Variants in ADGRG2 observed in about 807,000 individuals in gnomAD.
The protein encoded by ADGRG2 is G protein-coupled receptor 64.
ADGRG2 carries 26 observed loss-of-function variants against 74.1 expected under a neutral mutation model. The ratio of observed to expected loss-of-function variants is 0.35; its 90% CI spans 0.26 to 0.49. The LOEUF (loss-of-function observed/expected upper bound fraction) is 0.49. Ranked by LOEUF, ADGRG2 falls within the 20% of genes least tolerant of loss-of-function variation. The probability of loss-of-function intolerance (pLI) is 0.99; values close to 1 mark genes in which losing one functional copy is unlikely to be tolerated. For synonymous variants in ADGRG2, 296 were observed against 295.2 expected, an observed-to-expected ratio of 1.00 and a Z score of -0.03; for missense variants, 619 against 763.1, an observed-to-expected ratio of 0.81 and a Z score of 2.22.
intron 1 of ADGRG2, among the ~76,000 whole-genome samples, chrX:19,110,477 G>T (rs5955700): frequency 0.18 from 19,620 of 109,693 alleles, 1,947 homozygotes; most frequent in African/African-American, 0.38. Context: ...GAGGCCAGGA[G>T]TTTGAGACCA....
chrX:19,017,413 G>A lies in ADGRG2; in HGVS notation c.710+2186C>T, dbSNP rs1212115123. 2.7e-5 allele frequency among the ~76,000 whole-genome samples: 3 copies of A among 111,931 alleles called. No homozygotes were observed. In the East Asian group the frequency reaches 8.4e-4, roughly 31 times the overall value. On this transcript the variant is annotated intron_variant, in intron 15 of 28. Coordinates refer to ENST00000379869, the MANE Select transcript of ADGRG2 (RefSeq NM_001079858.3). ...ATGACTGAGCCCTAACTGGACATCAGTTTCACATCCTGACCCCTTTTCTAT... is the reference window on the plus strand; with the variant it reads ...ATGACTGAGCCCTAACTGGACATCAATTTCACATCCTGACCCCTTTTCTAT...
At chrX:18,995,939 C>G in intron 27 of ADGRG2, 112 bp downstream of exon 27, 2 of 451,268 alleles carry the variant, frequency 4.4e-6, no homozygotes, top group East Asian at 7.2e-5. Context: ...TGAGCAAATT[C>G]CAGATTTGCT....
chrX:19,105,967 GTAACTCT>G (rs1349978169), intron 1 of ADGRG2, among the ~76,000 whole-genome samples: 1 of 104,564 alleles, frequency 9.6e-6, no homozygotes, highest in Non-Finnish European at 1.9e-5. Context: ...GAAGAAGAAG[GTAACTCT>G]TTGGCACATA....
In ADGRG2 at chrX:18,989,362, A is replaced by G. The variant is rs2148066338; in HGVS notation, c.*1502T>C. 8.9e-6 allele frequency: 1 copy of G among 112,923 alleles called. No individual in the cohort carries two copies. The highest frequency in any genetic ancestry group is 3.6e-4 in the South Asian group (1 of 2,784). The allele number at this position is 112,923 out of a possible 1,213,427, so 9.3% of individuals were successfully genotyped here. The stretch of plus-strand genomic sequence containing the variant: ...TGATTTTAACATTTTTGATTTTAAC[A>G]TATAAATACAAGAAAATTAAATAAA... On this transcript the variant is annotated 3_prime_UTR_variant, in exon 29 of 29. Transcript: ENST00000379869.
intron 1 of ADGRG2, among the ~76,000 whole-genome samples, chrX:19,117,514 C>T (rs1247599665): frequency 9.1e-6 from 1 of 110,228 alleles, no homozygotes; most frequent in African/African-American, 3.3e-5. Context: ...GTAGGTTCTT[C>T]ATCATCTAAA....
chrX:19,073,010 T>G (rs780853911), intron 2 of ADGRG2, among the ~76,000 whole-genome samples: 5 of 112,076 alleles, frequency 4.5e-5, no homozygotes, highest in Non-Finnish European at 9.4e-5. Context: ...ATGTTGAATG[T>G]TGGAGGTGTG....
At chrX:19,049,438 G>GTTTTTTTTTTTTTTTTTTT (rs752686975) in intron 3 of ADGRG2, among the ~76,000 whole-genome samples, 7 of 82,168 alleles carry the variant, frequency 8.5e-5, no homozygotes, top group African/African-American at 4.0e-4. Context: ...CGTTTTTTGT[G>GTTTTTTTTTTTTTTTTTTT]TTTTTTTTTT....
chrX:19,009,529 CCT>C, intron 18 of ADGRG2, 95 bp downstream of exon 18: 2 of 793,081 alleles, frequency 2.5e-6, no homozygotes, highest in Non-Finnish European at 3.8e-6. Context: ...GAATATCACC[CCT>C]GACTATAAGC....
At chrX:19,003,896 A>G (rs1436078342) in intron 23 of ADGRG2, among the ~76,000 whole-genome samples, 1 of 112,226 alleles carries the variant, frequency 8.9e-6, no homozygotes, top group Non-Finnish European at 1.9e-5. Flanking sequence ...GCTAAATGTA[A>G]TAGCATAGGA....
intron 1 of ADGRG2, among the ~76,000 whole-genome samples, chrX:19,095,571 C>T (rs1279665743): frequency 8.9e-6 from 1 of 111,955 alleles, no homozygotes; most frequent in African/African-American, 3.2e-5. Flanking sequence ...ATATCAAATG[C>T]CAAAAGCATT....
intron 3 of ADGRG2, among the ~76,000 whole-genome samples, chrX:19,045,712 G>C (rs1336986694): frequency 1.8e-5 from 2 of 110,310 alleles, no homozygotes; most frequent in Admixed American, 9.7e-5. Flanking sequence ...TCATACCCGG[G>C]TGTAAAATTA....
At chrX:19,053,355 C>T (rs925931574) in intron 3 of ADGRG2, among the ~76,000 whole-genome samples, 7 of 110,361 alleles carry the variant, frequency 6.3e-5, no homozygotes, top group African/African-American at 2.0e-4. Flanking sequence ...TTTTGCGGGG[C>T]GGAGGGGGGG....
chrX:19,068,896 C>T (rs2061609365), intron 2 of ADGRG2, 61 bp from the exon 3 acceptor site: 1 of 519,907 alleles, frequency 1.9e-6, no homozygotes, highest in Non-Finnish European at 3.2e-6. Context: ...CACAGCAATA[C>T]CTCAAAGGTC....
chrX:19,023,321 C>A (rs2060633054), intron 13 of ADGRG2, 95 bp downstream of exon 13: 1 of 477,610 alleles, frequency 2.1e-6, no homozygotes, highest in Non-Finnish European at 3.5e-6. Flanking sequence ...TTTTAGAGGA[C>A]CCCCTTTGCA....
At chrX:19,019,502 G>A (rs1601906184) in intron 15 of ADGRG2, 97 bp downstream of exon 15, 3 of 505,395 alleles carry the variant, frequency 5.9e-6, no homozygotes, top group Non-Finnish European at 1.0e-5. Context: ...AAAATTGAAA[G>A]CCTTCTTTAC....
chrX:19,035,329 A>G (rs886780126), intron 7 of ADGRG2: 1 of 112,583 alleles, frequency 8.9e-6, no homozygotes, highest in Non-Finnish European at 1.9e-5. Context: ...AATGAATGCA[A>G]AGATGTTGGC....
At chrX:19,020,188 T>C (rs770996556) in intron 14 of ADGRG2, among the ~76,000 whole-genome samples, 2 of 111,799 alleles carry the variant, frequency 1.8e-5, no homozygotes, top group Non-Finnish European at 3.8e-5. Context: ...TAGAATGTAT[T>C]GTATGCTTGA....
chrX:19,005,015 G>A, intron 22 of ADGRG2, 136 bp from the exon 23 acceptor site: 1 of 445,842 alleles, frequency 2.2e-6, no homozygotes, highest in Non-Finnish European at 3.8e-6. Context: ...ATTACTATCA[G>A]GTAAAGATAA....
At chrX:18,996,929 G>A (rs2060028822) in intron 26 of ADGRG2, among the ~76,000 whole-genome samples, 1 of 111,647 alleles carries the variant, frequency 9.0e-6, no homozygotes, top group African/African-American at 3.3e-5. Flanking sequence ...TTCATTTTAA[G>A]ATACCAGGGG....
Sources: allele counts gnomAD v4.1 joint callset (sites outside exome capture counted in the v4.1 genomes callset), GRCh38; gene constraint gnomAD v4.1.1; transcripts MANE v1.5; gene names NCBI Gene and HGNC (gene_info 2026-07-23, HGNC 2026-07-21).